The following C2CD3 variants were observed in gnomAD, a reference collection of about 807,000 sequenced individuals.
C2CD3 encodes C2 domain-containing protein 3.
A neutral mutation model predicts 234.0 loss-of-function variants in C2CD3; 148 were observed. The ratio of observed to expected loss-of-function variants is 0.63; its 90% CI spans 0.55 to 0.72. The LOEUF (loss-of-function observed/expected upper bound fraction) is 0.72. Ranked by LOEUF, C2CD3 falls within the 30% of genes least tolerant of loss-of-function variation. The probability of loss-of-function intolerance (pLI) is 0.00; values close to 1 mark genes in which losing one functional copy is unlikely to be tolerated. For missense variants in C2CD3, 2,577 were observed against 2,811.5 expected (o/e 0.92, Z 1.89); for synonymous variants, 1,000 against 1,035.4 (o/e 0.97, Z 0.66).
chr11:74,036,453 T>C, intron 30 of C2CD3: 1 of 456,090 alleles, frequency 2.2e-6, no homozygotes, highest in Non-Finnish European at 4.4e-6. Flanking sequence ...AGAGCATTTA[T>C]CTGAGGCCAT....
intron 24 of C2CD3, among the ~76,000 whole-genome samples, chr11:74,064,697 C>T (rs1954421660): frequency 6.6e-6 from 1 of 152,226 alleles, no homozygotes; most frequent in African/African-American, 2.4e-5. Flanking sequence ...GTAACCAAAA[C>T]AGCATGGTAC....
intron 22 of C2CD3, among the ~76,000 whole-genome samples, chr11:74,080,904 A>G (rs1402904123): frequency 1.3e-5 from 2 of 152,188 alleles, no homozygotes; most frequent in East Asian, 1.9e-4. Context: ...AAGATGAAGT[A>G]ACTTTCTTTA....
At chr11:74,121,174 C>T (rs1957200751) in intron 8 of C2CD3, among the ~76,000 whole-genome samples, 1 of 152,112 alleles carries the variant, frequency 6.6e-6, no homozygotes, top group Non-Finnish European at 1.5e-5. Flanking sequence ...AGTAGAAAAA[C>T]ATACAGGCTT....
chr11:74,119,635 C>CTTTTTT (rs527594045), intron 8 of C2CD3, among the ~76,000 whole-genome samples: 1 of 137,630 alleles, frequency 7.3e-6, no homozygotes. Context: ...AGCAATACAA[C>CTTTTTT]TTTTTTTTTT....
chr11:74,048,543 T>C (rs1953501295), intron 27 of C2CD3, among the ~76,000 whole-genome samples: 2 of 152,254 alleles, frequency 1.3e-5, no homozygotes, highest in Admixed American at 1.3e-4. Context: ...TTTTACAGAC[T>C]ATGCTATCAG....
intron 2 of C2CD3, 25 bp downstream of exon 2, chr11:74,168,319 G>A: frequency 6.3e-7 from 1 of 1,590,104 alleles, no homozygotes; most frequent in Non-Finnish European, 8.6e-7. Flanking sequence ...ACGTCTGCAG[G>A]TGCAATGATA....
intron 30 of C2CD3, 109 bp from the exon 31 acceptor site, chr11:74,034,387 A>C: frequency 6.7e-7 from 1 of 1,489,864 alleles, no homozygotes; most frequent in Non-Finnish European, 8.9e-7. Context: ...GACTCTGAAC[A>C]AACCATAAAG....
At chr11:74,087,704 G>A (rs1367708334) in intron 20 of C2CD3, among the ~76,000 whole-genome samples, 3 of 152,226 alleles carry the variant, frequency 2.0e-5, no homozygotes, top group Non-Finnish European at 4.4e-5. Flanking sequence ...TGAGATGGCA[G>A]AAAGGCTTGG....
rs759051328 is a variant in C2CD3 at position 74,138,953 on chromosome 11, A to T, written c.722T>A (p.Val241Glu). The T allele has an allele frequency of 4.3e-6, 7 of 1,610,460 alleles. No individual in the cohort carries two copies. ...TGTATCAGGGTTCTCTGCAAAGCAT[A>T]CATGGTCTTTTCCCCTGTTTTTTTA... The part of the protein sequence containing the change: ...RSTTPRGKDH[V>E]CFAENPDTIK... Residue 241 changes from valine to glutamate, a missense_variant, in exon 5 of 33, where the codon GTA (valine) becomes GAA (glutamate). Transcript: ENST00000334126.
intron 24 of C2CD3, among the ~76,000 whole-genome samples, chr11:74,068,958 C>T (rs1954673652): frequency 6.6e-6 from 1 of 152,076 alleles, no homozygotes; most frequent in Non-Finnish European, 1.5e-5. Context: ...GGCTTGCGCT[C>T]AGCTAATTTT....
intron 11 of C2CD3, chr11:74,110,540 G>A (rs1226294189): frequency 6.6e-6 from 1 of 152,236 alleles, no homozygotes; most frequent in Non-Finnish European, 1.5e-5. Flanking sequence ...AGGGAAGTAA[G>A]ATAACACCTG....
chr11:74,118,431 T>C (rs371044460), intron 8 of C2CD3, 49 bp from the exon 9 acceptor site: 23 of 1,476,822 alleles, frequency 1.6e-5, no homozygotes, highest in African/African-American at 8.4e-5. Flanking sequence ...GCTTTGGGAA[T>C]TGTAGCTACG....
At chr11:74,135,198 T>G (rs919137837) in intron 5 of C2CD3, among the ~76,000 whole-genome samples, 2 of 152,088 alleles carry the variant, frequency 1.3e-5, no homozygotes, top group African/African-American at 4.8e-5. Flanking sequence ...ATACTCATAC[T>G]TCGTCCTAGT....
Position 74,048,248 on chromosome 11 carries a change from C to G in C2CD3, c.5452G>C (p.Ala1818Pro), listed in dbSNP as rs749157592. Residue 1818 changes from alanine to proline, a missense_variant, in exon 28 of 33, where the codon GCT becomes CCT. Transcript: ENST00000334126. Reference sequence around the variant, plus strand: ...TCAAGCTCCTTTGAGGAGGCATGAGCAAGTTGGTCTAGGGTCTGCCTTGCC... The same window carrying G: ...TCAAGCTCCTTTGAGGAGGCATGAGGAAGTTGGTCTAGGGTCTGCCTTGCC... ...HMARQTLDQL[A>P]HASSKELDFS... The G allele has an allele frequency of 6.2e-7, 1 of 1,613,726 alleles. No individual in the cohort carries two copies. The highest frequency in any genetic ancestry group is 1.1e-5 in the South Asian group (1 of 90,980).
At chr11:74,139,865 A>G in intron 3 of C2CD3, 37 bp from the exon 4 acceptor site, 4 of 1,245,144 alleles carry the variant, frequency 3.2e-6, no homozygotes, top group Non-Finnish European at 3.6e-6. Flanking sequence ...AATTTTCTTT[A>G]GCATTGATTA....
rs753900308 is a variant in C2CD3, at chr11:74,090,969, G to C, written c.3518-33C>G. On this transcript the variant is annotated intron_variant, in intron 19 of 32. Transcript: ENST00000334126. ...ATGAGGACACAAGGAAAGAAGGTTGGTCAGAAGAATCTCTGTTCCACCAAA... is the reference window on the plus strand; with the variant it reads ...ATGAGGACACAAGGAAAGAAGGTTGCTCAGAAGAATCTCTGTTCCACCAAA... The C allele has an allele frequency of 2.5e-6, 4 of 1,610,642 alleles. No homozygotes were observed. In the East Asian group the frequency reaches 8.9e-5, roughly 36 times the overall value.
chr11:74,165,774 C>T (rs1449253662), intron 2 of C2CD3, among the ~76,000 whole-genome samples: 1 of 152,134 alleles, frequency 6.6e-6, no homozygotes, highest in Middle Eastern at 3.2e-3. Flanking sequence ...CTCACCTCAG[C>T]CTCCCAAGTA....
intron 5 of C2CD3, 48 bp downstream of exon 5, chr11:74,138,672 T>C: frequency 6.7e-7 from 1 of 1,485,790 alleles, no homozygotes; most frequent in Admixed American, 1.7e-5. Context: ...AGCAGAGCAA[T>C]CCCATAAACG....
At chr11:74,162,093 A>G (rs1272720090) in intron 2 of C2CD3, among the ~76,000 whole-genome samples, 2 of 152,134 alleles carry the variant, frequency 1.3e-5, no homozygotes, top group Non-Finnish European at 2.9e-5. Context: ...TGGGATTACA[A>G]GTATGAGGCA....
Sources: allele counts gnomAD v4.1 joint callset (sites outside exome capture counted in the v4.1 genomes callset), GRCh38; gene constraint gnomAD v4.1.1; transcripts MANE v1.5; gene names NCBI Gene and HGNC (gene_info 2026-07-23, HGNC 2026-07-21).